TRAPPC9: variants seen among roughly 807,000 people sequenced by gnomAD.
TRAPPC9 encodes the protein IKK2 binding protein.
In TRAPPC9, 83 loss-of-function variants were observed where a neutral mutation model predicts 124.0. That is an observed-to-expected ratio of 0.67 (90% CI 0.56 to 0.80). TRAPPC9 has a LOEUF of 0.80. Ranked by LOEUF, TRAPPC9 falls within the 30% of genes least tolerant of loss-of-function variation. The pLI is 0.00. For missense variants in TRAPPC9, 1,302 were observed against 1,508.3 expected (o/e 0.86, Z 2.27); for synonymous variants, 638 against 617.5 (o/e 1.03, Z -0.49).
At chr8:139,956,212 A>G (rs974168432) in intron 19 of TRAPPC9, among the ~76,000 whole-genome samples, 2 of 150,854 alleles carry the variant, frequency 1.3e-5, no homozygotes, top group Non-Finnish European at 1.5e-5. Context: ...CCTGGGCTGG[A>G]GTGCAGTGGT....
chr8:140,154,209 C>T (rs771292142), intron 17 of TRAPPC9, among the ~76,000 whole-genome samples: 5 of 152,168 alleles, frequency 3.3e-5, no homozygotes, highest in Non-Finnish European at 7.4e-5. Context: ...CCATCCAACG[C>T]CCAGGCCAGA....
intron 16 of TRAPPC9, among the ~76,000 whole-genome samples, chr8:140,247,228 A>G (rs550192645): frequency 3.9e-5 from 6 of 152,346 alleles, no homozygotes; most frequent in African/African-American, 1.4e-4. Flanking sequence ...TGAGAATTTA[A>G]TTCTTCCAGT....
chr8:139,976,102 A>G (rs1336972108), intron 19 of TRAPPC9, among the ~76,000 whole-genome samples: 1 of 151,900 alleles, frequency 6.6e-6, no homozygotes, highest in African/African-American at 2.4e-5. Flanking sequence ...TGTGTTAGCC[A>G]GGATGGTCTC....
intron 19 of TRAPPC9, among the ~76,000 whole-genome samples, chr8:139,974,986 G>A (rs1229683110): frequency 6.6e-6 from 1 of 151,992 alleles, no homozygotes; most frequent in Non-Finnish European, 1.5e-5. Context: ...GATTCAAAGG[G>A]CTCCCCCAGC....
At chr8:140,345,933 G>A (rs1286542221) in intron 9 of TRAPPC9, among the ~76,000 whole-genome samples, 1 of 152,220 alleles carries the variant, frequency 6.6e-6, no homozygotes, top group Non-Finnish European at 1.5e-5. Context: ...GGCCACCGTG[G>A]ACATCCGGGG....
At chr8:140,000,984 A>C (rs543952796) in intron 18 of TRAPPC9, among the ~76,000 whole-genome samples, 3 of 152,312 alleles carry the variant, frequency 2.0e-5, no homozygotes, top group African/African-American at 7.2e-5. Context: ...AATCAACCCA[A>C]ATGTCCATCA....
intron 9 of TRAPPC9, among the ~76,000 whole-genome samples, chr8:140,318,310 C>T (rs1283847158): frequency 6.6e-6 from 1 of 152,116 alleles, no homozygotes; most frequent in African/African-American, 2.4e-5. Context: ...ATTTTTAATA[C>T]AATGTGAAAT....
In TRAPPC9 at chr8:139,730,627, G is replaced by A. The variant is rs1311437490; in HGVS notation, c.*434C>T. ...CCAGGGAGGGTGGGAAGCTGCCCACGCCCTCAGGCTGTGCCCAGTCTCATG... is the reference window on the plus strand; with the variant it reads ...CCAGGGAGGGTGGGAAGCTGCCCACACCCTCAGGCTGTGCCCAGTCTCATG... On this transcript the variant is annotated 3_prime_UTR_variant, in exon 23 of 23. Transcript: ENST00000438773. The A allele has an allele frequency of 5.5e-6, 1 of 182,228 alleles. No homozygotes were observed. The highest frequency in any genetic ancestry group is 1.2e-5 in the Non-Finnish European group (1 of 85,930). 11.3% of individuals were successfully genotyped at this position (182,228 alleles called of 1,614,324 possible). A position where few individuals can be genotyped will look rare whatever the true frequency, so the allele number is the denominator to read the frequency against.
chr8:140,236,289 G>T (rs2063730248), intron 16 of TRAPPC9, among the ~76,000 whole-genome samples: 2 of 152,110 alleles, frequency 1.3e-5, no homozygotes, highest in African/African-American at 4.8e-5. Context: ...CACCATGTTG[G>T]CCAGGCTGGT....
chr8:139,785,537 A>AACACAC (rs57202244), intron 21 of TRAPPC9, among the ~76,000 whole-genome samples: 441 of 138,286 alleles, frequency 3.2e-3, no homozygotes, highest in South Asian at 8.8e-3. Flanking sequence ...ATCTCTACTA[A>AACACAC]ACACACACAC....
intron 2 of TRAPPC9, among the ~76,000 whole-genome samples, chr8:140,447,996 T>C (rs1412541849): frequency 6.6e-6 from 1 of 151,798 alleles, no homozygotes; most frequent in African/African-American, 2.4e-5. Context: ...AATACAAAAA[T>C]TAGCTGAGTG....
intron 17 of TRAPPC9, among the ~76,000 whole-genome samples, chr8:140,156,583 C>G (rs1486218253): frequency 2.0e-5 from 3 of 152,188 alleles, no homozygotes; most frequent in Non-Finnish European, 2.9e-5. Context: ...GCAGCGGGAG[C>G]CTCGGAGTTC....
chr8:140,276,853 G>A (rs983954549), intron 14 of TRAPPC9, among the ~76,000 whole-genome samples: 6 of 152,134 alleles, frequency 3.9e-5, no homozygotes, highest in Non-Finnish European at 7.3e-5. Context: ...GGTTTCCTGA[G>A]TACCCCACTA....
At chr8:139,948,135 A>C (rs1425798813) in intron 19 of TRAPPC9, among the ~76,000 whole-genome samples, 1 of 151,254 alleles carries the variant, frequency 6.6e-6, no homozygotes, top group Non-Finnish European at 1.5e-5. Flanking sequence ...TATTAGGTTC[A>C]CTCTTTCATC....
chr8:140,218,223 A>G (rs574740905), intron 17 of TRAPPC9, among the ~76,000 whole-genome samples: 7 of 152,242 alleles, frequency 4.6e-5, no homozygotes, highest in Admixed American at 3.3e-4. Context: ...GCCCAAAGGA[A>G]CATCTTTCCA....
intron 19 of TRAPPC9, among the ~76,000 whole-genome samples, chr8:139,950,088 C>G (rs2131500556): frequency 6.6e-6 from 1 of 152,286 alleles, no homozygotes; most frequent in South Asian, 2.1e-4. Context: ...AAGTTTTTGT[C>G]CCATGATGGC....
At chr8:140,320,287 C>T (rs1302791342) in intron 9 of TRAPPC9, among the ~76,000 whole-genome samples, 6 of 152,178 alleles carry the variant, frequency 3.9e-5, no homozygotes, top group African/African-American at 1.4e-4. Context: ...CTGGTGTCTA[C>T]ATAAGTGGAA....
intron 17 of TRAPPC9, among the ~76,000 whole-genome samples, chr8:140,190,390 G>A (rs377408865): frequency 7.2e-5 from 11 of 152,236 alleles, no homozygotes; most frequent in East Asian, 3.9e-4. Flanking sequence ...CTCGGGAGCC[G>A]GAGGTTGCAG....
chr8:140,023,642 C>T (rs888344004), intron 18 of TRAPPC9, among the ~76,000 whole-genome samples: 3 of 152,114 alleles, frequency 2.0e-5, no homozygotes, highest in African/African-American at 4.8e-5. Context: ...CCAGGCTGGG[C>T]GGGAAATGTG....
Sources: gnomAD v4.1 joint callset for allele counts (sites outside exome capture counted in the v4.1 genomes callset) on GRCh38, gnomAD v4.1.1 for gene constraint, MANE v1.5 for transcripts, NCBI Gene and HGNC (gene_info 2026-07-23, HGNC 2026-07-21) for gene names.